The following RNLS variants were observed in gnomAD, a reference collection of about 807,000 sequenced individuals.
The protein encoded by RNLS is renalase, FAD dependent amine oxidase, also known as renalase.
A neutral mutation model predicts 39.8 loss-of-function variants in RNLS; 39 were observed. That is an observed-to-expected ratio of 0.98 (90% confidence interval 0.76 to 1.28). RNLS has a LOEUF of 1.28. Among genes scored for constraint, RNLS ranks in the 50% most tolerant of loss-of-function variants. The pLI is 0.00. For synonymous variants in RNLS, 147 were observed against 150.7 expected (o/e 0.98, Z 0.18); for missense variants, 410 against 413.3 (o/e 0.99, Z 0.07).
chr10:88,481,915 T>G (rs2134022033), intron 4 of RNLS, among the ~76,000 whole-genome samples: 1 of 152,302 alleles, frequency 6.6e-6, no homozygotes, highest in East Asian at 1.9e-4. Flanking sequence ...AATTTGGTCA[T>G]GTCTTTATTT....
intron 3 of RNLS, among the ~76,000 whole-genome samples, chr10:88,579,140 G>C (rs1051770667): frequency 6.6e-6 from 1 of 152,070 alleles, no homozygotes; most frequent in Non-Finnish European, 1.5e-5. Flanking sequence ...ACAAAGTATG[G>C]ACAGCTCTGC....
chr10:88,287,743 A>C (rs1343355805), intron 6 of RNLS, among the ~76,000 whole-genome samples: 1 of 152,132 alleles, frequency 6.6e-6, no homozygotes, highest in East Asian at 1.9e-4. Context: ...GAGCATGTGA[A>C]GGAGGAACTG....
At chr10:88,324,100 G>A (rs1450256354) in intron 5 of RNLS, among the ~76,000 whole-genome samples, 1 of 152,122 alleles carries the variant, frequency 6.6e-6, no homozygotes, top group Admixed American at 6.5e-5. Context: ...TGGCAAGGCT[G>A]CAGAGAAAAG....
chr10:88,417,148 A>C (rs910310865), intron 4 of RNLS, among the ~76,000 whole-genome samples: 5 of 152,196 alleles, frequency 3.3e-5, no homozygotes, highest in Admixed American at 2.6e-4. Flanking sequence ...TATTTTCTGC[A>C]GTATTCTTCT....
chr10:88,423,430 G>A (rs1469348542), intron 4 of RNLS, among the ~76,000 whole-genome samples: 1 of 152,156 alleles, frequency 6.6e-6, no homozygotes, highest in Non-Finnish European at 1.5e-5. Context: ...TCATGGAAGT[G>A]GACAAAGATT....
At chr10:88,301,463 C>G (rs1844510289) in intron 6 of RNLS, among the ~76,000 whole-genome samples, 2 of 152,148 alleles carry the variant, frequency 1.3e-5, no homozygotes, top group Admixed American at 1.3e-4. Flanking sequence ...CCAAAGGGCC[C>G]ATTTTGGTTA....
At chr10:88,575,078 G>A (rs2477958) in intron 3 of RNLS, among the ~76,000 whole-genome samples, 53,546 of 143,116 alleles carry the variant, frequency 0.37, 10,180 homozygotes, top group East Asian at 0.54. Flanking sequence ...TGCCCCAGAT[G>A]AACGCCTTGA....
At chr10:88,439,958 G>A (rs773300086) in intron 4 of RNLS, among the ~76,000 whole-genome samples, 2 of 151,992 alleles carry the variant, frequency 1.3e-5, no homozygotes, top group Non-Finnish European at 2.9e-5. Context: ...TGTTCTCAAG[G>A]CTCTCTATGG....
chr10:88,189,617 C>T, the RNLS span, among the ~76,000 whole-genome samples: 6 of 152,172 alleles, frequency 3.9e-5, no homozygotes, highest in Non-Finnish European at 5.9e-5. Context: ...GTTCTTATTC[C>T]CCACAGTACT....
chr10:88,533,602 T>C (rs180816301), intron 4 of RNLS, among the ~76,000 whole-genome samples: 2 of 152,140 alleles, frequency 1.3e-5, no homozygotes, highest in Admixed American at 1.3e-4. Flanking sequence ...AGTACTTTAG[T>C]TTCAGTTGTG....
At chr10:88,247,525 G>A in the RNLS span, among the ~76,000 whole-genome samples, 2 of 152,208 alleles carry the variant, frequency 1.3e-5, no homozygotes, top group Non-Finnish European at 2.9e-5. Context: ...CTGAGTCTCA[G>A]TCGCCTCGTC....
intron 4 of RNLS, among the ~76,000 whole-genome samples, chr10:88,484,639 A>T (rs558435975): frequency 4.6e-5 from 7 of 152,126 alleles, no homozygotes; most frequent in Admixed American, 3.9e-4. Flanking sequence ...GGAAGAAGAG[A>T]AAAAACAAAG....
At chr10:88,506,262 A>C (rs1423778806) in intron 4 of RNLS, among the ~76,000 whole-genome samples, 1 of 152,166 alleles carries the variant, frequency 6.6e-6, no homozygotes, top group Non-Finnish European at 1.5e-5. Context: ...TAACAACCTA[A>C]TACAATGAGT....
At chr10:88,400,985 C>T (rs545621781) in intron 4 of RNLS, among the ~76,000 whole-genome samples, 4 of 151,396 alleles carry the variant, frequency 2.6e-5, no homozygotes, top group Admixed American at 6.6e-5. Flanking sequence ...ATATTCAGTT[C>T]TTCTGTCCTT....
chr10:88,195,771 C>T, the RNLS span, among the ~76,000 whole-genome samples: 1 of 152,128 alleles, frequency 6.6e-6, no homozygotes, highest in South Asian at 2.1e-4. Context: ...AAAGACAGAC[C>T]TATCCAGTTT....
At chr10:88,310,828 G>GA (rs1283533571) in intron 6 of RNLS, among the ~76,000 whole-genome samples, 3 of 84,084 alleles carry the variant, frequency 3.6e-5, no homozygotes, top group African/African-American at 1.3e-4. Flanking sequence ...AAAAAAAAAA[G>GA]AAAGAAAAGG....
At chr10:88,463,655 G>C (rs577375943) in intron 4 of RNLS, among the ~76,000 whole-genome samples, 8 of 152,126 alleles carry the variant, frequency 5.3e-5, no homozygotes, top group Admixed American at 1.3e-4. Flanking sequence ...GCAGTTAATT[G>C]AGAGATTGCT....
At position 88,570,677 on chromosome 10, in the gene RNLS, T is replaced by C. The variant is rs945620322; in HGVS notation, c.526+2226A>G. Among the ~76,000 whole-genome samples, 7 of 152,322 alleles carry C rather than the reference T, an allele frequency of 4.6e-5. No homozygotes were observed. The East Asian group carries it at 1.2e-3, about 25-fold the overall frequency. ...ATGTCAGGTCAATAGGATGCTCTCT[T>C]GAAATTTAAGTCTTGGGCAGAGGCA... On this transcript the variant is annotated intron_variant, in intron 4 of 6. Transcript: ENST00000331772.
At chr10:88,342,754 G>C (rs1035666130) in intron 5 of RNLS, among the ~76,000 whole-genome samples, 8 of 152,172 alleles carry the variant, frequency 5.3e-5, no homozygotes, top group Admixed American at 6.5e-5. Context: ...TCTAGGTAGA[G>C]AACAGAATAG....
Sources: allele counts gnomAD v4.1 joint callset (sites outside exome capture counted in the v4.1 genomes callset), GRCh38; gene constraint gnomAD v4.1.1; transcripts MANE v1.5; gene names NCBI Gene and HGNC (gene_info 2026-07-23, HGNC 2026-07-21).